The following CHN2 variants were observed in gnomAD, a reference collection of about 807,000 sequenced individuals.
The protein encoded by CHN2 is beta-chimaerin.
A neutral mutation model predicts 56.3 loss-of-function variants in CHN2; 35 were observed. The observed-to-expected ratio is 0.62, with a 90% confidence interval of 0.47 to 0.82. The LOEUF (loss-of-function observed/expected upper bound fraction) is 0.82. CHN2 is among the 40% of genes least tolerant of loss of function. The pLI, the probability that CHN2 is intolerant of heterozygous loss-of-function variation, is 0.00. For synonymous variants in CHN2, 210 were observed against 212.8 expected (o/e 0.99, Z 0.12); for missense variants, 491 against 580.5 (o/e 0.85, Z 1.58).
chr7:29,391,613 T>C (rs1228146737), intron 3 of CHN2, among the ~76,000 whole-genome samples: 1 of 152,176 alleles, frequency 6.6e-6, no homozygotes, highest in African/African-American at 2.4e-5. Context: ...TGGATCAAAC[T>C]CTCTTCTGGG....
chr7:29,418,614 C>G (rs1052706816), intron 6 of CHN2, among the ~76,000 whole-genome samples: 5 of 152,190 alleles, frequency 3.3e-5, no homozygotes, highest in Non-Finnish European at 7.3e-5. Context: ...AAAGCATACA[C>G]CCCGTTGAGT....
chr7:29,405,113 AG>A (rs1217882892), intron 6 of CHN2, among the ~76,000 whole-genome samples: 1 of 150,890 alleles, frequency 6.6e-6, no homozygotes, highest in Non-Finnish European at 1.5e-5. Context: ...CATACATTAA[AG>A]CATACCCTGA....
chr7:29,219,227 A>G (rs1016894457), intron 1 of CHN2, among the ~76,000 whole-genome samples: 1 of 152,156 alleles, frequency 6.6e-6, no homozygotes, highest in Admixed American at 6.5e-5. Context: ...ACCACTGTGT[A>G]GGAAGCTGCT....
chr7:29,196,215 C>T (rs1212394706), intron 1 of CHN2, among the ~76,000 whole-genome samples: 1 of 152,164 alleles, frequency 6.6e-6, no homozygotes, highest in Non-Finnish European at 1.5e-5. Context: ...GACTAAGGTG[C>T]AATTGTGATG....
In CHN2 at chr7:29,178,615, C is replaced by A. The variant is rs550401229; in HGVS notation, c.274+31655C>A. 1.9e-4 allele frequency among the ~76,000 whole-genome samples: 29 copies of A among 152,168 alleles called. No homozygotes were observed. The East Asian group carries it at 5.6e-3, about 29-fold the overall frequency. ...TTTGAAGTTATCTTTTTAAAAAAAG[C>A]AGTTCATTGTCTGTGCCTCTTAAGG... On this transcript the variant is annotated intron_variant, in intron 2 of 6. Coordinates refer to the CHN2 transcript ENST00000439384.
At chr7:29,485,967 C>T (rs1366674647) in intron 7 of CHN2, among the ~76,000 whole-genome samples, 2 of 152,094 alleles carry the variant, frequency 1.3e-5, no homozygotes, top group African/African-American at 4.8e-5. Flanking sequence ...AGAGCAGAGG[C>T]CCAGAAAGTT....
intron 1 of CHN2, among the ~76,000 whole-genome samples, chr7:29,239,438 T>C (rs1260128222): frequency 6.6e-6 from 1 of 152,140 alleles, no homozygotes; most frequent in Non-Finnish European, 1.5e-5. Flanking sequence ...ACGTGTCAAA[T>C]AGGCAGTTGG....
Position 29,469,246 on chromosome 7 carries a change from TC to T in CHN2, c.577-11032del, listed in dbSNP as rs1202360112. Among the ~76,000 whole-genome samples the T allele has an allele frequency of 4.5e-4, 69 of 152,334 alleles. 1 individual carries two copies. The highest frequency in any genetic ancestry group is 1.6e-3 in the African/African-American group (68 of 41,584). ...CTTATCACCTCCACTGCTCCCACCC[TC>T]ATCCAAGCCACTGTCTATCCTTTAG... On this transcript the variant is annotated intron_variant, in intron 6 of 12. Coordinates refer to ENST00000222792, the MANE Select transcript of CHN2 (RefSeq NM_004067.4).
intron 1 of CHN2, among the ~76,000 whole-genome samples, chr7:29,240,942 G>C (rs39078): frequency 6.6e-6 from 1 of 151,658 alleles, no homozygotes; most frequent in East Asian, 1.9e-4. Context: ...CTGGAGTGCG[G>C]TGAGGCAATC....
chr7:29,438,468 C>T (rs1327425710), intron 6 of CHN2, among the ~76,000 whole-genome samples: 2 of 152,102 alleles, frequency 1.3e-5, no homozygotes, highest in Non-Finnish European at 2.9e-5. Context: ...TGCACTGTAA[C>T]TAATTTAACT....
At chr7:29,452,061 C>T (rs919031841) in intron 6 of CHN2, among the ~76,000 whole-genome samples, 2 of 152,232 alleles carry the variant, frequency 1.3e-5, no homozygotes, top group African/African-American at 4.8e-5. Flanking sequence ...ACAGGCCACA[C>T]TTGATTTAAT....
intron 1 of CHN2, among the ~76,000 whole-genome samples, chr7:29,229,577 A>G (rs964819025): frequency 2.0e-5 from 3 of 152,322 alleles, no homozygotes; most frequent in Non-Finnish European, 2.9e-5. Context: ...ACCATTTGCT[A>G]CAGCTGTGTT....
intron 1 of CHN2, among the ~76,000 whole-genome samples, chr7:29,287,822 C>T (rs1249530470): frequency 6.6e-6 from 1 of 152,150 alleles, no homozygotes; most frequent in Non-Finnish European, 1.5e-5. Flanking sequence ...CTTAGATATT[C>T]CTTTCTTGAT....
intron 2 of CHN2, among the ~76,000 whole-genome samples, chr7:29,163,498 T>G (rs1376703533): frequency 6.6e-6 from 1 of 152,196 alleles, no homozygotes; most frequent in African/African-American, 2.4e-5. Flanking sequence ...ACACATATGT[T>G]AATGGGCATA....
intron 1 of CHN2, among the ~76,000 whole-genome samples, chr7:29,216,780 G>A (rs1405698076): frequency 6.6e-6 from 1 of 152,196 alleles, no homozygotes; most frequent in Non-Finnish European, 1.5e-5. Flanking sequence ...GATTATTGAG[G>A]CTCAGATGAA....
At chr7:29,401,864 C>T (rs1174669264) in intron 6 of CHN2, among the ~76,000 whole-genome samples, 1 of 152,078 alleles carries the variant, frequency 6.6e-6, no homozygotes, top group African/African-American at 2.4e-5. Flanking sequence ...GGGATGTGCC[C>T]CTTGAGGGAC....
intron 1 of CHN2, among the ~76,000 whole-genome samples, chr7:29,347,877 G>A (rs1466212014): frequency 6.6e-6 from 1 of 152,190 alleles, no homozygotes; most frequent in African/African-American, 2.4e-5. Flanking sequence ...ACAATATCAT[G>A]AAATTCAAAC....
chr7:29,250,909 C>G (rs113653826), intron 1 of CHN2, among the ~76,000 whole-genome samples: 1 of 152,044 alleles, frequency 6.6e-6, no homozygotes, highest in Non-Finnish European at 1.5e-5. Context: ...GAGCTTTCAC[C>G]GTGTTAGCCA....
chr7:29,228,288 C>G (rs979525255), intron 1 of CHN2, among the ~76,000 whole-genome samples: 1 of 151,902 alleles, frequency 6.6e-6, no homozygotes, highest in Admixed American at 6.6e-5. Flanking sequence ...ACAGTGGTTC[C>G]GTAAGATTAT....
Sources: gnomAD v4.1 joint callset for allele counts (sites outside exome capture counted in the v4.1 genomes callset) on GRCh38, gnomAD v4.1.1 for gene constraint, MANE v1.5 for transcripts, NCBI Gene and HGNC (gene_info 2026-07-23, HGNC 2026-07-21) for gene names.